Variants in KICS2 observed in about 807,000 individuals in gnomAD.
KICS2 encodes the protein KICSTOR subunit 2.
A neutral mutation model predicts 31.4 loss-of-function variants in KICS2; 13 were observed. That is an observed-to-expected ratio of 0.41 (90% confidence interval 0.27 to 0.66). The LOEUF is 0.66. KICS2 is among the 30% of genes least tolerant of loss of function. The pLI, the probability that KICS2 is intolerant of heterozygous loss-of-function variation, is 0.28. For synonymous variants in KICS2, 209 were observed against 214.8 expected (o/e 0.97, Z 0.24); for missense variants, 455 against 545.4 (o/e 0.83, Z 1.65).
downstream of KICS2, among the ~76,000 whole-genome samples, chr12:64,188,276 G>C (rs1398764060): frequency 6.6e-6 from 1 of 152,194 alleles, no homozygotes; most frequent in Non-Finnish European, 1.5e-5. Flanking sequence ...TGTAATCCCA[G>C]CACTTGGGAG....
chr12:64,189,703 A>G (rs2037364786), downstream of KICS2, among the ~76,000 whole-genome samples: 1 of 152,172 alleles, frequency 6.6e-6, no homozygotes, highest in African/African-American at 2.4e-5. Flanking sequence ...GACAGTAAGC[A>G]TAAGAAAGCT....
Position 64,193,854 on chromosome 12 carries a change from T to C in KICS2, c.1326A>G (p.Gly442=), listed in dbSNP as rs765193340. The change falls in exon 3 of 3, where the codon GGA becomes GGG. Residue 442 remains glycine, a synonymous_variant. Coordinates refer to ENST00000398055, the MANE Select transcript of KICS2 (RefSeq NM_152440.5). ...NPKVFASLKP[G]AKG Reference sequence around the variant, plus strand: ...CGCAAATCACCTGCTAACCTTTGGCTCCAGGTTTCAGACTTGCAAACACTT... The same window carrying C: ...CGCAAATCACCTGCTAACCTTTGGCCCCAGGTTTCAGACTTGCAAACACTT... 3 of 1,612,592 alleles carry C rather than the reference T, an allele frequency of 1.9e-6. No homozygotes were observed. Among genetic ancestry groups the C allele is most frequent in the Non-Finnish European group, 2.5e-6 (3 of 1,179,184 alleles).
intron 1 of KICS2, among the ~76,000 whole-genome samples, chr12:64,221,117 G>C (rs1372880857): frequency 7.3e-6 from 1 of 137,282 alleles, no homozygotes; most frequent in Non-Finnish European, 1.6e-5. Context: ...AACGGGGGGG[G>C]GTGGATCAAA....
At chr12:64,198,038 T>C (rs932295370) in intron 2 of KICS2, among the ~76,000 whole-genome samples, 1 of 75,732 alleles carries the variant, frequency 1.3e-5, no homozygotes, top group Non-Finnish European at 2.5e-5. Flanking sequence ...ATTAGACAGA[T>C]CAACGAGACA....
downstream of KICS2, among the ~76,000 whole-genome samples, chr12:64,190,552 C>T (rs139697789): frequency 4.0e-4 from 61 of 152,162 alleles, no homozygotes; most frequent in African/African-American, 1.4e-3. Context: ...ATCACTTGAG[C>T]CCAGGATTTC....
chr12:64,193,371 C>G lies in KICS2; in HGVS notation c.*471G>C. On this transcript the variant is annotated 3_prime_UTR_variant, in exon 3 of 3. Coordinates refer to ENST00000398055, the MANE Select transcript of KICS2 (RefSeq NM_152440.5). ...GATCAGAATCATAAATCTACTAACTCCATATTCATTTGCTAATTTATGAGA... is the reference window on the plus strand; with the variant it reads ...GATCAGAATCATAAATCTACTAACTGCATATTCATTTGCTAATTTATGAGA... 1 of 985,830 alleles carries G rather than the reference C, an allele frequency of 1.0e-6. No individual in the cohort carries two copies. The highest frequency in any genetic ancestry group is 4.7e-5 in the South Asian group (1 of 21,304). 61.1% of individuals were successfully genotyped at this position (985,830 alleles called of 1,614,324 possible). A position where few individuals can be genotyped will look rare whatever the true frequency, so the allele number is the denominator to read the frequency against.
chr12:64,210,087 A>C (rs1225415479), intron 2 of KICS2, among the ~76,000 whole-genome samples: 1 of 152,230 alleles, frequency 6.6e-6, no homozygotes, highest in Non-Finnish European at 1.5e-5. Context: ...GTTAGTTGAT[A>C]CATAAAGGAA....
intron 2 of KICS2, among the ~76,000 whole-genome samples, chr12:64,202,947 G>T (rs1170162409): frequency 6.6e-6 from 1 of 151,916 alleles, no homozygotes; most frequent in Non-Finnish European, 1.5e-5. Flanking sequence ...AGGTCTCCTC[G>T]TCAGTCATTT....
At chr12:64,196,062 A>G (rs1215633879) in intron 2 of KICS2, among the ~76,000 whole-genome samples, 1 of 152,270 alleles carries the variant, frequency 6.6e-6, no homozygotes, top group Non-Finnish European at 1.5e-5. Context: ...TTAGGTAAAC[A>G]AAGCAGCGGG....
Position 64,193,508 on chromosome 12 carries a change from T to G in KICS2, c.*334A>C. 1.9e-6 allele frequency: 2 copies of G among 1,048,254 alleles called. No homozygotes were observed. The highest frequency in any genetic ancestry group is 2.3e-6 in the Non-Finnish European group (2 of 870,860). The allele number at this position is 1,048,254 out of a possible 1,614,324, so 64.9% of individuals were successfully genotyped here. On this transcript the variant is annotated 3_prime_UTR_variant, in exon 3 of 3. Transcript: ENST00000398055. ...TGTTTGGAATTGCAGTAGAACACAA[T>G]GTTTAGAACAACAGAAAAACATATG... is the stretch of plus-strand genomic sequence containing the variant.
chr12:64,211,344 C>A lies in KICS2; in HGVS notation c.521+4334G>T, dbSNP rs182909707. 2.6e-5 allele frequency among the ~76,000 whole-genome samples: 4 copies of A among 152,240 alleles called. No homozygotes were observed. The South Asian group carries it at 8.3e-4, about 32-fold the overall frequency. ...AAGAACTTGCTAACTTTAGGCCGGG[C>A]GCAGTGGCTCACACCAATCCTAGCA... On this transcript the variant is annotated intron_variant, in intron 2 of 2. Transcript: ENST00000398055.
At chr12:64,187,901 G>A (rs1187640265), downstream of KICS2, among the ~76,000 whole-genome samples, 1 of 152,148 alleles carries the variant, frequency 6.6e-6, no homozygotes, top group Non-Finnish European at 1.5e-5. Context: ...AAAGATTTTA[G>A]TTTTGAGTAA....
intron 2 of KICS2, among the ~76,000 whole-genome samples, chr12:64,206,578 A>G (rs1211226829): frequency 1.3e-5 from 2 of 152,244 alleles, no homozygotes; most frequent in Non-Finnish European, 2.9e-5. Flanking sequence ...GAAGCCATAG[A>G]GGAGATGGCA....
Position 64,218,282 on chromosome 12 carries a change from A to G in KICS2, c.236-2319T>C, listed in dbSNP as rs143999761. ...CCTCTCGGCTTAGGAGGGTAATAAGAGTATCATATAAAACCTAAAAGCTGT... is the reference window on the plus strand; with the variant it reads ...CCTCTCGGCTTAGGAGGGTAATAAGGGTATCATATAAAACCTAAAAGCTGT... On this transcript the variant is annotated intron_variant, in intron 1 of 2. Transcript: ENST00000398055. Among the ~76,000 whole-genome samples, 665 of 152,324 alleles carry G rather than the reference A, an allele frequency of 4.4e-3. 5 individuals are homozygous for G. The highest frequency in any genetic ancestry group is 5.0e-3 in the Non-Finnish European group (342 of 68,032).
chr12:64,210,958 C>CGT (rs903202067), intron 2 of KICS2, among the ~76,000 whole-genome samples: 17 of 152,084 alleles, frequency 1.1e-4, no homozygotes, highest in African/African-American at 4.1e-4. Flanking sequence ...GTGCAGACCA[C>CGT]GTATCATTAT....
chr12:64,206,815 G>A (rs1317607591), intron 2 of KICS2, among the ~76,000 whole-genome samples: 1 of 152,138 alleles, frequency 6.6e-6, no homozygotes, highest in East Asian at 1.9e-4. Flanking sequence ...TATGATTCTA[G>A]TTATATGTGG....
intron 1 of KICS2, among the ~76,000 whole-genome samples, chr12:64,220,341 G>A (rs748820129): frequency 2.0e-5 from 3 of 152,018 alleles, no homozygotes; most frequent in Admixed American, 6.6e-5. Context: ...TACACACAGG[G>A]CAGCCAGTTC....
At chr12:64,209,657 T>G (rs73325019) in intron 2 of KICS2, among the ~76,000 whole-genome samples, 1 of 152,214 alleles carries the variant, frequency 6.6e-6, no homozygotes, top group Non-Finnish European at 1.5e-5. Flanking sequence ...TGAACACAAC[T>G]GGCTTCCAGA....
At chr12:64,208,381 T>G (rs2037557810) in intron 2 of KICS2, among the ~76,000 whole-genome samples, 1 of 152,218 alleles carries the variant, frequency 6.6e-6, no homozygotes, top group African/African-American at 2.4e-5. Context: ...AGCAGATGAA[T>G]TTGAAAAGAT....
Sources: gnomAD v4.1 joint callset for allele counts (sites outside exome capture counted in the v4.1 genomes callset) on GRCh38, gnomAD v4.1.1 for gene constraint, MANE v1.5 for transcripts, NCBI Gene and HGNC (gene_info 2026-07-23, HGNC 2026-07-21) for gene names.